The following COL11A1 variants were observed in gnomAD, a reference collection of about 807,000 sequenced individuals.
COL11A1 encodes collagen type XI alpha 1 chain.
Under a neutral mutation model 265.2 loss-of-function variants are expected in COL11A1, and 74 were observed. That is an observed-to-expected ratio of 0.28 (90% CI 0.23 to 0.34). The LOEUF is 0.34. COL11A1 is among the 10% of genes least tolerant of loss of function. COL11A1 has a pLI of 1.00. For missense variants in COL11A1, 2,165 were observed against 2,263.6 expected (o/e 0.96, Z 0.88); for synonymous variants, 816 against 727.6 (o/e 1.12, Z -1.96).
At position 103,004,625 on chromosome 1, in the gene COL11A1, C is replaced by A; in HGVS notation, c.1882G>T (p.Gly628Cys). ...TAACATACCCTCATTCCATCATCAC[C>A]AGGAGGACCTGGAGGACCTTGAGGA... ...RGPQGPPGPP[G>C]DDGMRGEDGE... The change falls in exon 19 of 67, where the codon GGT (glycine) becomes TGT (cysteine). Residue 628 changes from glycine (G) to cysteine (C), a missense_variant. By Grantham distance (159) the Gly-to-Cys change is radical. Transcript: ENST00000370096. The A allele has an allele frequency of 6.2e-7, 1 of 1,610,824 alleles. No homozygotes were observed.
chr1:102,904,990 T>C (rs542536553), intron 54 of COL11A1, among the ~76,000 whole-genome samples: 3 of 151,820 alleles, frequency 2.0e-5, no homozygotes, highest in South Asian at 4.2e-4. Context: ...CTGACAACAA[T>C]AGACTGGATT....
intron 47 of COL11A1, 25 bp downstream of exon 47, chr1:102,923,311 T>A: frequency 6.3e-7 from 1 of 1,593,766 alleles, no homozygotes; most frequent in South Asian, 1.1e-5. Context: ...CACATACCCA[T>A]CAAACACCAA....
At chr1:103,103,331 T>C (rs1229753618) in intron 1 of COL11A1, among the ~76,000 whole-genome samples, 1 of 151,992 alleles carries the variant, frequency 6.6e-6, no homozygotes, top group Admixed American at 6.6e-5. Flanking sequence ...GAAATAAATA[T>C]ATAATTTTCT....
At chr1:102,914,047 T>A (rs954676013) in intron 52 of COL11A1, among the ~76,000 whole-genome samples, 2 of 152,088 alleles carry the variant, frequency 1.3e-5, no homozygotes, top group African/African-American at 4.8e-5. Context: ...AAAGCAAAGA[T>A]CCTGTAACTT....
intron 28 of COL11A1, among the ~76,000 whole-genome samples, chr1:102,992,300 A>G (rs1488014789): frequency 6.6e-6 from 1 of 152,102 alleles, no homozygotes; most frequent in East Asian, 1.9e-4. Flanking sequence ...AAGAAAACAT[A>G]GTTTTAGAAG....
At position 102,912,179 on chromosome 1, in the gene COL11A1, G is replaced by A. The variant is rs772400369; in HGVS notation, c.4066C>T (p.Pro1356Ser). 2.3e-5 allele frequency: 37 copies of A among 1,611,442 alleles called. No homozygotes were observed. The highest frequency in any genetic ancestry group is 2.9e-5 in the Non-Finnish European group (34 of 1,178,902). The change falls in exon 54 of 67, where the codon CCA becomes TCA. Residue 1356 changes from proline to serine, a missense_variant. Transcript: ENST00000370096. ...CTTACTCGTTTTCCAGGAGGACCTG[G>A]TGGGCCAGCCTCACCAGATGGGCCA... ...PPGPSGEAGP[P>S]GPPGKRGPPG...
intron 46 of COL11A1, among the ~76,000 whole-genome samples, chr1:102,932,045 C>A (rs1036615967): frequency 6.7e-6 from 1 of 150,152 alleles, no homozygotes; most frequent in East Asian, 1.9e-4. Flanking sequence ...ACTCTTTATC[C>A]AATTTGCCAG....
At chr1:102,929,095 A>G (rs1320155931) in intron 46 of COL11A1, among the ~76,000 whole-genome samples, 1 of 145,898 alleles carries the variant, frequency 6.9e-6, no homozygotes, top group African/African-American at 2.6e-5. Flanking sequence ...CTTTAGTTTA[A>G]TTAGATCCCA....
chr1:102,905,608 C>A (rs1220541901), intron 54 of COL11A1, among the ~76,000 whole-genome samples: 1 of 150,918 alleles, frequency 6.6e-6, no homozygotes, highest in East Asian at 1.9e-4. Flanking sequence ...ATTTCTTAAA[C>A]TGGTCTTAAA....
chr1:102,915,660 G>C lies in COL11A1; in HGVS notation c.3787C>G (p.Pro1263Ala). ...ACACCTGCTTCCCCAGGAGGCCCTG[G>C]GTTCCCTGCTTCTCCAGGTTCACCC... ...EKGEPGEAGN[P>A]GPPGEAGVGG... The change falls in exon 50 of 67, where the codon CCA (proline) becomes GCA (alanine). Residue 1263 changes from proline (P) to alanine (A), a missense_variant. Physicochemically the swap from Pro to Ala is conservative, Grantham distance 27 (BLOSUM62 -1). Coordinates refer to ENST00000370096, the MANE Select transcript of COL11A1 (RefSeq NM_001854.4). The C allele has an allele frequency of 6.2e-7, 1 of 1,613,036 alleles. No individual in the cohort carries two copies. Among genetic ancestry groups the C allele is most frequent in the Non-Finnish European group, 8.5e-7 (1 of 1,179,148 alleles).
At chr1:103,014,720 C>T in intron 12 of COL11A1, 126 bp from the exon 13 acceptor site, 1 of 764,848 alleles carries the variant, frequency 1.3e-6, no homozygotes, top group East Asian at 2.7e-5. Context: ...CAAAGTAACT[C>T]CGTAATGAAT....
At chr1:103,002,822 T>C (rs1201908365) in intron 21 of COL11A1, 31 bp from the exon 22 acceptor site, 2 of 1,603,526 alleles carry the variant, frequency 1.2e-6, no homozygotes, top group Admixed American at 1.7e-5. Context: ...TTATGGTTGT[T>C]TATATGTTTT....
chr1:102,978,584 T>TGA, intron 35 of COL11A1, 124 bp downstream of exon 35: 1 of 1,061,672 alleles, frequency 9.4e-7, no homozygotes, highest in Non-Finnish European at 1.4e-6. Context: ...CGTTTTTAAA[T>TGA]TCAGACTAGA....
intron 41 of COL11A1, among the ~76,000 whole-genome samples, chr1:102,959,678 C>G (rs576657751): frequency 1.2e-4 from 19 of 152,246 alleles, no homozygotes; most frequent in Admixed American, 1.1e-3. Flanking sequence ...TAATAATTCT[C>G]AAATACACAG....
intron 30 of COL11A1, among the ~76,000 whole-genome samples, chr1:102,985,322 A>G (rs1663429695): frequency 6.6e-6 from 1 of 152,098 alleles, no homozygotes; most frequent in South Asian, 2.1e-4. Context: ...AAAATTAAGA[A>G]CATGGTTTAT....
chr1:102,934,843 C>T lies in COL11A1; in HGVS notation c.3492+217G>A, dbSNP rs2045818. Among the ~76,000 whole-genome samples the T allele has an allele frequency of 0.77, 116,986 of 152,218 alleles. 48,074 individuals are homozygous for T. Among genetic ancestry groups the T allele is most frequent in the East Asian group, 1 (5,169 of 5,190 alleles). On this transcript the variant is annotated intron_variant, in intron 45 of 66. Coordinates refer to ENST00000370096, the MANE Select transcript of COL11A1 (RefSeq NM_001854.4). Reference sequence around the variant, plus strand: ...CTGAATTATTATCTATTAAGGAATTCTCAACAAATTATTACTTACTTTCAA... The same window carrying T: ...CTGAATTATTATCTATTAAGGAATTTTCAACAAATTATTACTTACTTTCAA...
At position 103,060,836 on chromosome 1, in the gene COL11A1, T is replaced by G. The variant is rs567833254; in HGVS notation, c.651+13782A>C. Among the ~76,000 whole-genome samples, 464 of 152,136 alleles carry G rather than the reference T, an allele frequency of 3.0e-3. 3 individuals are homozygous for G. The highest frequency in any genetic ancestry group is 0.011 in the African/African-American group (446 of 41,516). The stretch of plus-strand genomic sequence containing the variant: ...AAGAATCAGCCAGGCATGGTGGTAC[T>G]GGAAGGATCACCTGAGCCCAGGGTA... On this transcript the variant is annotated intron_variant, in intron 4 of 66. Transcript: ENST00000370096.
chr1:102,967,530 A>G (rs567896552), intron 37 of COL11A1, among the ~76,000 whole-genome samples: 1 of 151,872 alleles, frequency 6.6e-6, no homozygotes, highest in East Asian at 1.9e-4. Flanking sequence ...GTGAGCCACC[A>G]CGCCCAGCCA....
At chr1:103,044,375 C>A (rs907583578) in intron 4 of COL11A1, among the ~76,000 whole-genome samples, 6 of 152,036 alleles carry the variant, frequency 3.9e-5, no homozygotes, top group African/African-American at 1.4e-4. Context: ...TTGTATTGCG[C>A]AGAATCCCAA....
Sources: allele counts gnomAD v4.1 joint callset (sites outside exome capture counted in the v4.1 genomes callset), GRCh38; gene constraint gnomAD v4.1.1; transcripts MANE v1.5; gene names NCBI Gene and HGNC (gene_info 2026-07-23, HGNC 2026-07-21).